TBC1D32: variants seen among roughly 807,000 people sequenced by gnomAD.
TBC1D32 encodes the protein protein broad-minded.
In TBC1D32, 151 loss-of-function variants were observed where a neutral mutation model predicts 170.3. That is an observed-to-expected ratio of 0.89 (90% CI 0.78 to 1.01). The LOEUF (loss-of-function observed/expected upper bound fraction) is 1.01. TBC1D32 is among the 50% of genes least tolerant of loss of function. The pLI is 0.00. For missense variants in TBC1D32, 1,464 were observed against 1,457.1 expected (o/e 1.00, Z -0.08); for synonymous variants, 498 against 488.0 (o/e 1.02, Z -0.27).
chr6:121,093,717 A>T (rs560093114), intron 30 of TBC1D32, among the ~76,000 whole-genome samples: 8 of 152,168 alleles, frequency 5.3e-5, no homozygotes, highest in Non-Finnish European at 1.2e-4. Context: ...ATGTATATAC[A>T]TTCAAGCATT....
At chr6:121,198,216 A>ATG (rs1326154040) in intron 22 of TBC1D32, among the ~76,000 whole-genome samples, 2 of 117,868 alleles carry the variant, frequency 1.7e-5, no homozygotes, top group African/African-American at 5.6e-5. Context: ...TATTATATAT[A>ATG]TGTGTGTATA....
intron 24 of TBC1D32, among the ~76,000 whole-genome samples, chr6:121,141,575 A>T (rs1288543246): frequency 6.6e-6 from 1 of 152,210 alleles, no homozygotes; most frequent in Non-Finnish European, 1.5e-5. Flanking sequence ...AATCAAAATC[A>T]CAATGAGATA....
intron 11 of TBC1D32, among the ~76,000 whole-genome samples, chr6:121,294,257 T>C (rs1049958922): frequency 6.6e-6 from 1 of 152,118 alleles, no homozygotes; most frequent in African/African-American, 2.4e-5. Flanking sequence ...TGATACATTA[T>C]TGAAGGGGAA....
intron 26 of TBC1D32, among the ~76,000 whole-genome samples, chr6:121,122,809 C>T (rs979806561): frequency 1.3e-5 from 2 of 151,970 alleles, no homozygotes; most frequent in Non-Finnish European, 2.9e-5. Context: ...GCATAATGAA[C>T]ACATGTGTGT....
chr6:121,110,263 A>T (rs558342608), intron 29 of TBC1D32, among the ~76,000 whole-genome samples: 27 of 148,308 alleles, frequency 1.8e-4, no homozygotes, highest in South Asian at 1.7e-3. Flanking sequence ...AAAAAAAAAA[A>T]TTTTATATAT....
chr6:121,153,651 C>A (rs1006676706), intron 24 of TBC1D32, among the ~76,000 whole-genome samples: 5 of 152,126 alleles, frequency 3.3e-5, no homozygotes, highest in African/African-American at 7.2e-5. Flanking sequence ...TCTATAAGCC[C>A]CTGACTGGGG....
At chr6:121,226,784 T>C (rs983329251) in intron 20 of TBC1D32, among the ~76,000 whole-genome samples, 2 of 152,156 alleles carry the variant, frequency 1.3e-5, no homozygotes, top group African/African-American at 4.8e-5. Flanking sequence ...GAAGACTGAA[T>C]AGTGATAATA....
rs760705710 is a variant in TBC1D32, at chr6:121,304,747, A to T, written c.769+8T>A. On this transcript the variant is annotated splice_region_variant and intron_variant, in intron 6 of 31. Transcript: ENST00000398212. ...AAAAAACATTTTTAAATGTTTTCACAAACATACCTAAGCTTGTATAAATTT... is the reference window on the plus strand; with the variant it reads ...AAAAAACATTTTTAAATGTTTTCACTAACATACCTAAGCTTGTATAAATTT... 9.4e-6 allele frequency: 15 copies of T among 1,587,476 alleles called. No homozygotes were observed. In the East Asian group the frequency reaches 3.4e-4, roughly 36 times the overall value.
intron 2 of TBC1D32, among the ~76,000 whole-genome samples, chr6:121,319,569 C>T (rs1357740081): frequency 6.6e-6 from 1 of 152,130 alleles, no homozygotes; most frequent in East Asian, 1.9e-4. Flanking sequence ...CCCCTTAAAA[C>T]TTATAATCTG....
At chr6:121,262,832 C>T (rs1583454000) in intron 15 of TBC1D32, among the ~76,000 whole-genome samples, 3 of 152,004 alleles carry the variant, frequency 2.0e-5, no homozygotes, top group African/African-American at 7.3e-5. Flanking sequence ...TCTGGCCAAA[C>T]GAAGCTTCAT....
chr6:121,270,800 C>T (rs1801290519), intron 15 of TBC1D32, among the ~76,000 whole-genome samples: 1 of 152,104 alleles, frequency 6.6e-6, no homozygotes, highest in African/African-American at 2.4e-5. Context: ...CTGGCAGAAA[C>T]ACAACAAAAA....
At chr6:121,131,545 A>C in intron 25 of TBC1D32, 82 bp downstream of exon 25, 1 of 1,422,142 alleles carries the variant, frequency 7.0e-7, no homozygotes, top group Non-Finnish European at 9.6e-7. Context: ...TACATATGCC[A>C]ATACTAATCT....
chr6:121,099,992 T>A (rs991335479), intron 30 of TBC1D32, among the ~76,000 whole-genome samples: 1 of 151,854 alleles, frequency 6.6e-6, no homozygotes, highest in Admixed American at 6.6e-5. Context: ...TCTTTGTTAG[T>A]CAAGTTTTAA....
At chr6:121,112,302 C>G (rs929698292) in intron 29 of TBC1D32, 9 of 358,958 alleles carry the variant, frequency 2.5e-5, no homozygotes, top group African/African-American at 1.7e-4. Context: ...ATAAATCATT[C>G]AGTTACTATT....
At chr6:121,124,572 T>C (rs113724681) in intron 26 of TBC1D32, among the ~76,000 whole-genome samples, 3,232 of 152,248 alleles carry the variant, frequency 0.021, 51 homozygotes, top group African/African-American at 0.045. Flanking sequence ...CTGTACATTT[T>C]TCCAGGTTTG....
At chr6:121,276,348 A>T (rs1191639726) in intron 15 of TBC1D32, among the ~76,000 whole-genome samples, 3 of 152,140 alleles carry the variant, frequency 2.0e-5, no homozygotes, top group African/African-American at 7.2e-5. Flanking sequence ...CAACTAAAAC[A>T]ATATAATTAG....
intron 31 of TBC1D32, among the ~76,000 whole-genome samples, chr6:121,088,681 A>G (rs1034032216): frequency 1.3e-5 from 2 of 152,220 alleles, no homozygotes; most frequent in African/African-American, 4.8e-5. Context: ...AAGTTATGGT[A>G]TCTATCAAAA....
rs1296633639 is a variant in TBC1D32, at chr6:121,224,067, C to T, written c.2365-715G>A. On this transcript the variant is annotated intron_variant, in intron 20 of 31. Transcript: ENST00000398212. The stretch of plus-strand genomic sequence containing the variant: ...TTTCAAGGCACTTCTCTAATTGACA[C>T]GATTCTACTCTTCACAGTCTCAAAA... Among the ~76,000 whole-genome samples, 9 of 152,154 alleles carry T rather than the reference C, an allele frequency of 5.9e-5. 1 individual carries two copies. Among genetic ancestry groups the T allele is most frequent in the Admixed American group, 5.9e-4 (9 of 15,264 alleles).
chr6:121,148,816 G>A (rs1042339569), intron 24 of TBC1D32, among the ~76,000 whole-genome samples: 12 of 152,070 alleles, frequency 7.9e-5, no homozygotes, highest in Non-Finnish European at 1.5e-4. Flanking sequence ...GTTTCACCAT[G>A]TTGGCCAGGC....
Sources: gnomAD v4.1 joint callset for allele counts (sites outside exome capture counted in the v4.1 genomes callset) on GRCh38, gnomAD v4.1.1 for gene constraint, MANE v1.5 for transcripts, NCBI Gene and HGNC (gene_info 2026-07-23, HGNC 2026-07-21) for gene names.